Variants in CTNNA2 observed in about 807,000 individuals in gnomAD.
CTNNA2 encodes the protein catenin alpha 2, also known as catenin alpha-2.
Under a neutral mutation model 101.0 loss-of-function variants are expected in CTNNA2, and 42 were observed. The ratio of observed to expected loss-of-function variants is 0.42; its 90% CI spans 0.32 to 0.54. The LOEUF is 0.54. Among genes scored for constraint, CTNNA2 ranks in the 20% least tolerant of loss-of-function variants. CTNNA2 has a pLI of 0.14. For synonymous variants in CTNNA2, 450 were observed against 456.4 expected (o/e 0.99, Z 0.18); for missense variants, 871 against 1,223.1 (o/e 0.71, Z 4.29).
At chr2:79,388,149 A>T (rs988946978) in intron 4 of CTNNA2, among the ~76,000 whole-genome samples, 1 of 152,202 alleles carries the variant, frequency 6.6e-6, no homozygotes, top group East Asian at 1.9e-4. Flanking sequence ...TCTGCTGCCA[A>T]CCAGTCCCAA....
intron 7 of CTNNA2, among the ~76,000 whole-genome samples, chr2:80,206,303 C>T (rs1309137509): frequency 6.6e-6 from 1 of 152,192 alleles, no homozygotes; most frequent in African/African-American, 2.4e-5. Flanking sequence ...ATGTAGACCC[C>T]AAGGAATCCT....
At chr2:80,489,362 AG>A (rs1686850658) in intron 9 of CTNNA2, among the ~76,000 whole-genome samples, 1 of 152,200 alleles carries the variant, frequency 6.6e-6, no homozygotes, top group African/African-American at 2.4e-5. Context: ...AATCAAAAAA[AG>A]ATAAACCATC....
intron 9 of CTNNA2, among the ~76,000 whole-genome samples, chr2:80,532,452 G>T (rs1290771572): frequency 1.3e-5 from 2 of 152,078 alleles, no homozygotes; most frequent in Non-Finnish European, 2.9e-5. Context: ...TGCTGTAGAG[G>T]TATCCCAGTG....
intron 2 of CTNNA2, among the ~76,000 whole-genome samples, chr2:79,199,301 A>G (rs1674002487): frequency 6.6e-6 from 1 of 152,130 alleles, no homozygotes; most frequent in Non-Finnish European, 1.5e-5. Flanking sequence ...GTTTAGGTAA[A>G]TGCAAAGTTC....
chr2:79,488,965 T>C (rs1406679054), intron 4 of CTNNA2, among the ~76,000 whole-genome samples: 4 of 152,104 alleles, frequency 2.6e-5, no homozygotes, highest in African/African-American at 9.7e-5. Context: ...TAATTAACCT[T>C]TTATCTGTTT....
At chr2:79,202,191 A>C (rs1290364343) in intron 2 of CTNNA2, among the ~76,000 whole-genome samples, 1 of 152,176 alleles carries the variant, frequency 6.6e-6, no homozygotes, top group African/African-American at 2.4e-5. Context: ...GACTGAATAG[A>C]ATGGGAAGCA....
intron 9 of CTNNA2, among the ~76,000 whole-genome samples, chr2:80,515,366 G>A (rs1689031698): frequency 6.6e-6 from 1 of 152,060 alleles, no homozygotes; most frequent in Non-Finnish European, 1.5e-5. Context: ...ATTGCTAATG[G>A]GAGAGAACAG....
chr2:80,392,655 C>G (rs1168697777), intron 7 of CTNNA2, among the ~76,000 whole-genome samples: 6 of 152,030 alleles, frequency 3.9e-5, no homozygotes, highest in Non-Finnish European at 8.8e-5. Flanking sequence ...TGCTTATTAT[C>G]ATTTTTAGCA....
intron 6 of CTNNA2, among the ~76,000 whole-genome samples, chr2:79,904,788 G>A (rs1369497057): frequency 1.3e-5 from 2 of 152,100 alleles, no homozygotes; most frequent in Non-Finnish European, 2.9e-5. Context: ...AAGCCAGCTC[G>A]GTGTCTCATT....
chr2:79,340,315 C>T (rs1189903812), intron 3 of CTNNA2: 4 of 152,154 alleles, frequency 2.6e-5, no homozygotes, highest in East Asian at 1.9e-4. Context: ...TCATGTGGTC[C>T]CCATCAGTAA....
chr2:79,780,586 T>C (rs987981857), intron 3 of CTNNA2, among the ~76,000 whole-genome samples: 3 of 152,164 alleles, frequency 2.0e-5, no homozygotes, highest in Non-Finnish European at 4.4e-5. Flanking sequence ...GTTTCATGAA[T>C]TCCCTGTGAA....
At chr2:79,617,052 C>T (rs1030189586) in intron 1 of CTNNA2, among the ~76,000 whole-genome samples, 7 of 152,036 alleles carry the variant, frequency 4.6e-5, no homozygotes, top group African/African-American at 1.7e-4. Flanking sequence ...CAGGTGTGCG[C>T]CACCATACCC....
At chr2:79,468,930 A>C (rs1335668596) in intron 4 of CTNNA2, among the ~76,000 whole-genome samples, 1 of 152,188 alleles carries the variant, frequency 6.6e-6, no homozygotes, top group Non-Finnish European at 1.5e-5. Flanking sequence ...GAAAGCAGGA[A>C]AGATCTAAAA....
chr2:80,268,717 G>A (rs534242039), intron 7 of CTNNA2, among the ~76,000 whole-genome samples: 3 of 152,168 alleles, frequency 2.0e-5, no homozygotes, highest in Admixed American at 6.5e-5. Context: ...GTGTATTTAT[G>A]GTGCTCTGAA....
intron 16 of CTNNA2, 104 bp downstream of exon 16, chr2:80,604,283 G>T: frequency 2.5e-6 from 2 of 802,054 alleles, no homozygotes; most frequent in South Asian, 1.5e-5. Flanking sequence ...TCTGAAGAAT[G>T]AATCAGAGGG....
chr2:79,929,531 G>C (rs1687247268), intron 7 of CTNNA2, among the ~76,000 whole-genome samples: 1 of 152,226 alleles, frequency 6.6e-6, no homozygotes, highest in African/African-American at 2.4e-5. Context: ...TCACTGGATT[G>C]TGTGTTGTGA....
At chr2:80,368,034 C>T (rs915054661) in intron 7 of CTNNA2, among the ~76,000 whole-genome samples, 1 of 152,080 alleles carries the variant, frequency 6.6e-6, no homozygotes, top group African/African-American at 2.4e-5. Flanking sequence ...AAAATGACTT[C>T]TGAAAGCTTG....
chr2:79,972,581 A>C (rs1308798957), intron 7 of CTNNA2, among the ~76,000 whole-genome samples: 1 of 152,192 alleles, frequency 6.6e-6, no homozygotes, highest in Non-Finnish European at 1.5e-5. Flanking sequence ...GTGCAAATGG[A>C]GTAAAAATTA....
At chr2:79,440,974 A>C (rs550607237) in intron 4 of CTNNA2, among the ~76,000 whole-genome samples, 4 of 152,268 alleles carry the variant, frequency 2.6e-5, no homozygotes, top group African/African-American at 4.8e-5. Flanking sequence ...CCACCACTTA[A>C]TTCATTCAGA....
Sources: gnomAD v4.1 joint callset for allele counts (sites outside exome capture counted in the v4.1 genomes callset) on GRCh38, gnomAD v4.1.1 for gene constraint, MANE v1.5 for transcripts, NCBI Gene and HGNC (gene_info 2026-07-23, HGNC 2026-07-21) for gene names.